The following MICU1 variants were observed in gnomAD, a reference collection of about 807,000 sequenced individuals.
The protein encoded by MICU1 is calcium uptake protein 1, mitochondrial.
In MICU1, 45 loss-of-function variants were observed where a neutral mutation model predicts 56.8. That is an observed-to-expected ratio of 0.79 (90% CI 0.62 to 1.02). The LOEUF (loss-of-function observed/expected upper bound fraction) is 1.02, where lower values mean the gene tolerates loss of function less well. Among genes scored for constraint, MICU1 ranks in the 50% least tolerant of loss-of-function variants. The probability of loss-of-function intolerance (pLI) is 0.00; values close to 1 mark genes in which losing one functional copy is unlikely to be tolerated. For synonymous variants in MICU1, 186 were observed against 195.1 expected (o/e 0.95, Z 0.39); for missense variants, 504 against 587.1 (o/e 0.86, Z 1.46).
intron 6 of MICU1, among the ~76,000 whole-genome samples, chr10:72,488,391 T>C (rs1225256221): frequency 6.6e-6 from 1 of 152,152 alleles, no homozygotes; most frequent in Non-Finnish European, 1.5e-5. Context: ...TATGCTTAAT[T>C]GAAAAATGCC....
intron 8 of MICU1, among the ~76,000 whole-genome samples, chr10:72,442,371 T>A (rs1864963925): frequency 6.6e-6 from 1 of 152,104 alleles, no homozygotes; most frequent in Non-Finnish European, 1.5e-5. Context: ...CTTGAACTCC[T>A]GACCTCAGGT....
chr10:72,423,666 A>G (rs922148512), intron 8 of MICU1, among the ~76,000 whole-genome samples: 2 of 152,196 alleles, frequency 1.3e-5, no homozygotes, highest in African/African-American at 4.8e-5. Flanking sequence ...GAAGTTAGGT[A>G]TTCCTAGCCT....
At chr10:72,395,440 G>C (rs977462417) in intron 10 of MICU1, among the ~76,000 whole-genome samples, 8 of 152,286 alleles carry the variant, frequency 5.3e-5, no homozygotes, top group Middle Eastern at 3.4e-3. Flanking sequence ...TTGGACAGTG[G>C]GTGCAGCCCA....
intron 1 of MICU1, among the ~76,000 whole-genome samples, chr10:72,600,195 G>A (rs1383047130): frequency 6.6e-6 from 1 of 151,880 alleles, no homozygotes. Flanking sequence ...TGGGGGTTGA[G>A]GCAGGAGAAC....
At position 72,377,405 on chromosome 10, in the gene MICU1, C is replaced by A. The variant is rs531766186; in HGVS notation, c.1181-1533G>T. Among the ~76,000 whole-genome samples, 8 of 152,264 alleles carry A rather than the reference C, an allele frequency of 5.3e-5. No homozygotes were observed. The South Asian group carries it at 6.2e-4, about 12-fold the overall frequency. On this transcript the variant is annotated intron_variant, in intron 10 of 11. Coordinates refer to ENST00000361114, the MANE Select transcript of MICU1 (RefSeq NM_001195518.2). ...AAAGTGCTGGGATTACAGGGGTGAG[C>A]CACCACACTCAGCGGGCCCGGCCAA... is the stretch of plus-strand genomic sequence containing the variant.
At chr10:72,618,720 T>C (rs951273625) in intron 1 of MICU1, among the ~76,000 whole-genome samples, 2 of 152,210 alleles carry the variant, frequency 1.3e-5, no homozygotes, top group African/African-American at 4.8e-5. Flanking sequence ...TATAATGTTC[T>C]ATCACAGCTC....
intron 8 of MICU1, among the ~76,000 whole-genome samples, chr10:72,438,979 G>A (rs993455872): frequency 2.0e-5 from 3 of 152,166 alleles, no homozygotes; most frequent in African/African-American, 7.2e-5. Flanking sequence ...GTACAAAAAG[G>A]AGTTGGTACC....
chr10:72,397,440 C>T lies in MICU1; in HGVS notation c.1180+10489G>A, dbSNP rs1184167028. Among the ~76,000 whole-genome samples the T allele has an allele frequency of 2.6e-5, 4 of 152,244 alleles. No individual in the cohort carries two copies. The East Asian group carries it at 7.7e-4, about 29-fold the overall frequency. ...CAAATTCACACATAGCAATATTAAC[C>T]TTAAATGTAAATGGGCTAAATGCCC... On this transcript the variant is annotated intron_variant, in intron 10 of 11. Transcript: ENST00000361114.
At chr10:72,609,007 T>C (rs1387701049) in intron 1 of MICU1, among the ~76,000 whole-genome samples, 1 of 152,260 alleles carries the variant, frequency 6.6e-6, no homozygotes, top group Admixed American at 6.5e-5. Flanking sequence ...TAAGCTCTGT[T>C]AAATTTAATT....
At chr10:72,533,416 A>C (rs185485149) in intron 5 of MICU1, among the ~76,000 whole-genome samples, 1 of 152,188 alleles carries the variant, frequency 6.6e-6, no homozygotes, top group Admixed American at 6.5e-5. Flanking sequence ...AAATCAGGGA[A>C]GCGTTTTGTA....
intron 1 of MICU1, among the ~76,000 whole-genome samples, chr10:72,603,715 A>T (rs1030071931): frequency 2.0e-5 from 3 of 152,130 alleles, no homozygotes; most frequent in Non-Finnish European, 4.4e-5. Context: ...GAGGCAGAAG[A>T]ATCACTTGAA....
intron 9 of MICU1, among the ~76,000 whole-genome samples, chr10:72,411,880 T>G (rs12763759): frequency 0.056 from 8,597 of 152,260 alleles, 363 homozygotes; most frequent in Non-Finnish European, 0.091. Flanking sequence ...CTAAACTGAA[T>G]GGCTATTCAT....
intron 1 of MICU1, among the ~76,000 whole-genome samples, chr10:72,608,213 C>T (rs1222591865): frequency 6.6e-6 from 1 of 152,146 alleles, no homozygotes; most frequent in African/African-American, 2.4e-5. Context: ...CGATTACAGG[C>T]ATGTGCCACC....
At chr10:72,489,553 G>A (rs1326112548) in intron 6 of MICU1, among the ~76,000 whole-genome samples, 1 of 152,106 alleles carries the variant, frequency 6.6e-6, no homozygotes, top group East Asian at 1.9e-4. Context: ...TAACTAGAAA[G>A]GGATATTCTT....
Position 72,493,800 on chromosome 10 carries a change from A to G in MICU1, c.652+14355T>C, listed in dbSNP as rs182994494. On this transcript the variant is annotated intron_variant, in intron 6 of 11. Transcript: ENST00000361114. ...TTTTTGACCGTCAACATCATTATACATGTGATTATTTTATTAGCCTAAACA... is the reference window on the plus strand; with the variant it reads ...TTTTTGACCGTCAACATCATTATACGTGTGATTATTTTATTAGCCTAAACA... Among the ~76,000 whole-genome samples the G allele has an allele frequency of 6.3e-3, 959 of 152,284 alleles. 6 individuals are homozygous for G. The highest frequency in any genetic ancestry group is 0.048 in the South Asian group (233 of 4,824).
chr10:72,499,399 A>T (rs1183749720), intron 6 of MICU1, among the ~76,000 whole-genome samples: 1 of 152,244 alleles, frequency 6.6e-6, no homozygotes, highest in Non-Finnish European at 1.5e-5. Context: ...TTTTGACAGA[A>T]GCTGCATTAT....
At chr10:72,573,006 T>A (rs1589355736) in intron 1 of MICU1, among the ~76,000 whole-genome samples, 1 of 152,184 alleles carries the variant, frequency 6.6e-6, no homozygotes, top group South Asian at 2.1e-4. Context: ...ATATGGTGCA[T>A]AATTATTATA....
intron 6 of MICU1, among the ~76,000 whole-genome samples, chr10:72,505,909 A>G (rs1051363894): frequency 2.6e-5 from 4 of 151,994 alleles, no homozygotes; most frequent in African/African-American, 9.7e-5. Context: ...AAACGTCAGC[A>G]TCACCCAATA....
At chr10:72,476,379 C>T (rs1157770941) in intron 7 of MICU1, among the ~76,000 whole-genome samples, 2 of 152,090 alleles carry the variant, frequency 1.3e-5, no homozygotes, top group East Asian at 3.9e-4. Context: ...CAGGCACATA[C>T]TACCAATCCC....
Sources: allele counts gnomAD v4.1 joint callset (sites outside exome capture counted in the v4.1 genomes callset), GRCh38; gene constraint gnomAD v4.1.1; transcripts MANE v1.5; gene names NCBI Gene and HGNC (gene_info 2026-07-23, HGNC 2026-07-21).